FIP1L1: variants seen among roughly 807,000 people sequenced by gnomAD.
FIP1L1 encodes pre-mRNA 3'-end-processing factor FIP1.
In FIP1L1, 21 loss-of-function variants were observed where a neutral mutation model predicts 84.6. The observed-to-expected ratio is 0.25, with a 90% CI of 0.18 to 0.36. FIP1L1 has a LOEUF of 0.36. FIP1L1 is among the 10% of genes least tolerant of loss of function. The pLI is 1.00. For missense variants in FIP1L1, 526 were observed against 751.1 expected (o/e 0.70, Z 3.50); for synonymous variants, 263 against 242.3 (o/e 1.09, Z -0.80).
intron 11 of FIP1L1, among the ~76,000 whole-genome samples, chr4:53,415,534 T>TTG (rs920815484): frequency 6.6e-5 from 10 of 151,526 alleles, no homozygotes; most frequent in Non-Finnish European, 1.2e-4. Flanking sequence ...TTTTTGTTTT[T>TTG]TTTTTTGCTT....
At position 53,454,017 on chromosome 4, in the gene FIP1L1, T is replaced by G. The variant is rs36080354; in HGVS notation, c.1499+884T>G. 2.6e-3 allele frequency among the ~76,000 whole-genome samples: 403 copies of G among 152,314 alleles called. 1 individual carries two copies. The highest frequency in any genetic ancestry group is 3.2e-3 in the Non-Finnish European group (219 of 68,020). ...AAAAGTTTCATAATCTTAAAACTTTTTAAGTGGGTTTTCCTATTAGTCTTT... is the reference window on the plus strand; with the variant it reads ...AAAAGTTTCATAATCTTAAAACTTTGTAAGTGGGTTTTCCTATTAGTCTTT... On this transcript the variant is annotated intron_variant, in intron 16 of 17. Coordinates refer to ENST00000337488, the MANE Select transcript of FIP1L1 (RefSeq NM_030917.4).
In FIP1L1 at chr4:53,410,426, G is replaced by T. The variant is rs376264344; in HGVS notation, c.816-4189G>T. On this transcript the variant is annotated intron_variant, in intron 10 of 17. Coordinates refer to ENST00000337488, the MANE Select transcript of FIP1L1 (RefSeq NM_030917.4). ...TGTCAACTTCCAATGACCAGCCAAG[G>T]TTCTCGTTTCCTTTGTAAAACTTCT... Among the ~76,000 whole-genome samples the T allele has an allele frequency of 6.6e-5, 10 of 152,290 alleles. No individual in the cohort carries two copies. In the East Asian group the frequency reaches 1.7e-3, roughly 26 times the overall value.
chr4:53,382,816 T>C (rs927677715), intron 4 of FIP1L1, among the ~76,000 whole-genome samples: 1 of 152,234 alleles, frequency 6.6e-6, no homozygotes, highest in African/African-American at 2.4e-5. Context: ...GTTCCGGAAG[T>C]TTGAAGTTGT....
At chr4:53,383,439 A>T (rs1306890797) in intron 4 of FIP1L1, among the ~76,000 whole-genome samples, 2 of 152,190 alleles carry the variant, frequency 1.3e-5, no homozygotes, top group South Asian at 2.1e-4. Flanking sequence ...AGGTGGGTGG[A>T]TCACCTGAGG....
rs575472615 is a variant in FIP1L1 at position 53,424,225 on chromosome 4, C to T, written c.924-1647C>T. ...GAGGAAATTACAGCCTCAGAATGCA[C>T]ACCTGTATTTAGTAGGATGTTGGAA... On this transcript the variant is annotated intron_variant, in intron 11 of 17. Coordinates refer to ENST00000337488, the MANE Select transcript of FIP1L1 (RefSeq NM_030917.4). Among the ~76,000 whole-genome samples the T allele has an allele frequency of 5.9e-5, 9 of 152,208 alleles. No individual in the cohort carries two copies. In the East Asian group the frequency reaches 1.5e-3, roughly 26 times the overall value.
At chr4:53,391,208 G>A (rs557643429) in intron 8 of FIP1L1, 69 bp downstream of exon 8, 10 of 1,498,660 alleles carry the variant, frequency 6.7e-6, no homozygotes, top group South Asian at 6.5e-5. Context: ...CAAATAAATC[G>A]CTTCCCTATA....
rs772107663 is a variant in FIP1L1, at chr4:53,452,906, T to A, written c.1286-14T>A. Reference sequence around the variant, plus strand: ...GTACCATAACGTTTGTTTTTAATCGTGTTTTTTCTTTAGTTGCCTTTCCCC... The same window carrying A: ...GTACCATAACGTTTGTTTTTAATCGAGTTTTTTCTTTAGTTGCCTTTCCCC... On this transcript the variant is annotated splice_polypyrimidine_tract_variant and intron_variant, in intron 15 of 17. Coordinates refer to ENST00000337488, the MANE Select transcript of FIP1L1 (RefSeq NM_030917.4). 1 of 1,610,148 alleles carries A rather than the reference T, an allele frequency of 6.2e-7. No individual in the cohort carries two copies. The highest frequency in any genetic ancestry group is 1.1e-5 in the South Asian group (1 of 90,904).
At position 53,459,712 on chromosome 4, in the gene FIP1L1, A is replaced by AAAG. The variant is rs1318051902; in HGVS notation, c.*265_*267dup. 2 of 489,846 alleles carry AAAG rather than the reference A, an allele frequency of 4.1e-6. No individual in the cohort carries two copies. Among genetic ancestry groups the AAAG allele is most frequent in the African/African-American group, 1.9e-5 (1 of 51,738 alleles). The allele number at this position is 489,846 out of a possible 1,614,324, so 30.3% of individuals were successfully genotyped here. A position where few individuals can be genotyped will look rare whatever the true frequency, so the allele number is the denominator to read the frequency against. ...GAATGAGTCACTTAACAGGGAATCT[A>AAAG]AAGAGCTGTGTTAGCTGTGTACATA... On this transcript the variant is annotated 3_prime_UTR_variant, in exon 18 of 18. Coordinates refer to ENST00000337488, the MANE Select transcript of FIP1L1 (RefSeq NM_030917.4).
At chr4:53,408,246 T>G (rs1754912841) in intron 10 of FIP1L1, among the ~76,000 whole-genome samples, 1 of 152,132 alleles carries the variant, frequency 6.6e-6, no homozygotes, top group African/African-American at 2.4e-5. Context: ...TTTCTCCATC[T>G]CTTATGAAGC....
chr4:53,428,243 A>C (rs1765100074), intron 13 of FIP1L1, 60 bp downstream of exon 13: 2 of 1,437,144 alleles, frequency 1.4e-6, no homozygotes, highest in Non-Finnish European at 1.9e-6. Context: ...TGTTTTTTAA[A>C]ATTTTTGACA....
intron 15 of FIP1L1, among the ~76,000 whole-genome samples, chr4:53,450,081 C>T (rs892725336): frequency 6.6e-6 from 1 of 151,912 alleles, no homozygotes; most frequent in Non-Finnish European, 1.5e-5. Context: ...GATTTCCATT[C>T]TTTGTTATCC....
intron 9 of FIP1L1, among the ~76,000 whole-genome samples, chr4:53,394,803 T>A (rs1351281530): frequency 2.0e-5 from 3 of 152,014 alleles, no homozygotes; most frequent in Admixed American, 2.0e-4. Flanking sequence ...TAAATTTTTT[T>A]ATAAATATAA....
chr4:53,386,662 AAT>A (rs1274026550), intron 5 of FIP1L1, among the ~76,000 whole-genome samples: 1 of 152,196 alleles, frequency 6.6e-6, no homozygotes, highest in Non-Finnish European at 1.5e-5. Flanking sequence ...CCTAACAATA[AAT>A]ATATTAGATG....
chr4:53,443,915 T>C, intron 14 of FIP1L1, 133 bp from the exon 15 acceptor site: 1 of 532,546 alleles, frequency 1.9e-6, no homozygotes, highest in Non-Finnish European at 3.3e-6. Context: ...AATAAAATTA[T>C]AGAACTAAAT....
intron 4 of FIP1L1, among the ~76,000 whole-genome samples, chr4:53,383,145 C>T (rs564807228): frequency 1.3e-5 from 2 of 150,042 alleles, no homozygotes; most frequent in African/African-American, 2.4e-5. Context: ...ATAATTTTAT[C>T]TTGTAGGTAT....
intron 15 of FIP1L1, among the ~76,000 whole-genome samples, chr4:53,447,508 G>A (rs1774729918): frequency 1.3e-5 from 2 of 152,098 alleles, no homozygotes; most frequent in Middle Eastern, 3.4e-3. Context: ...AAAATAATTC[G>A]TGGTCTGACA....
chr4:53,388,964 C>CT (rs1742667066), intron 5 of FIP1L1, among the ~76,000 whole-genome samples: 1 of 151,950 alleles, frequency 6.6e-6, no homozygotes, highest in South Asian at 2.1e-4. Context: ...ATATTTTTTT[C>CT]TTTATCACTG....
At chr4:53,410,158 A>G (rs1480005111) in intron 10 of FIP1L1, among the ~76,000 whole-genome samples, 1 of 152,194 alleles carries the variant, frequency 6.6e-6, no homozygotes, top group African/African-American at 2.4e-5. Flanking sequence ...TCCACTTTTC[A>G]TCGCACATCA....
chr4:53,388,996 A>G (rs1742686948), intron 5 of FIP1L1, among the ~76,000 whole-genome samples: 1 of 152,216 alleles, frequency 6.6e-6, no homozygotes, highest in Non-Finnish European at 1.5e-5. Flanking sequence ...ACATCTAAAA[A>G]GGTGCAGCTT....
Sources: gnomAD v4.1 joint callset for allele counts (sites outside exome capture counted in the v4.1 genomes callset) on GRCh38, gnomAD v4.1.1 for gene constraint, MANE v1.5 for transcripts, NCBI Gene and HGNC (gene_info 2026-07-23, HGNC 2026-07-21) for gene names.